Variants in WDR48 observed in about 807,000 individuals in gnomAD.
The protein encoded by WDR48 is WD repeat domain 48.
A neutral mutation model predicts 94.0 loss-of-function variants in WDR48; 22 were observed. The observed-to-expected ratio is 0.23, with a 90% CI of 0.17 to 0.33. WDR48 has a LOEUF of 0.33. Ranked by LOEUF, WDR48 falls within the 10% of genes least tolerant of loss-of-function variation. WDR48 has a pLI of 1.00. For synonymous variants in WDR48, 278 were observed against 280.5 expected, an observed-to-expected ratio of 0.99 and a Z score of 0.09; for missense variants, 541 against 813.8, an observed-to-expected ratio of 0.66 and a Z score of 4.08.
At chr3:39,093,401 G>A (rs920837717) in intron 17 of WDR48, among the ~76,000 whole-genome samples, 1 of 152,360 alleles carries the variant, frequency 6.6e-6, no homozygotes, top group East Asian at 1.9e-4. Flanking sequence ...GTCTCACTCT[G>A]TCGCCCAGGC....
intron 17 of WDR48, among the ~76,000 whole-genome samples, chr3:39,093,564 G>A (rs2125688379): frequency 6.6e-6 from 1 of 152,284 alleles, no homozygotes. Context: ...TTGAACTCCT[G>A]ATCTGAAGTG....
intron 2 of WDR48, among the ~76,000 whole-genome samples, chr3:39,065,416 G>A (rs760620590): frequency 6.6e-6 from 1 of 152,078 alleles, no homozygotes; most frequent in Non-Finnish European, 1.5e-5. Context: ...GTCTGCTGTT[G>A]AGCCTTCACC....
chr3:39,087,730 A>C (rs1575433144), intron 14 of WDR48: 1 of 159,064 alleles, frequency 6.3e-6, no homozygotes, highest in East Asian at 1.8e-4. Flanking sequence ...GGCTGCCATT[A>C]AATGTAATTT....
At chr3:39,093,723 C>T (rs531635205) in intron 17 of WDR48, 151 bp from the exon 18 acceptor site, 18 of 832,424 alleles carry the variant, frequency 2.2e-5, no homozygotes, top group East Asian at 3.0e-5. Flanking sequence ...AAAATCTTTC[C>T]GCAGCTCTAA....
intron 17 of WDR48, 111 bp from the exon 18 acceptor site, chr3:39,093,763 T>G (rs2035206619): frequency 1.6e-6 from 2 of 1,225,862 alleles, no homozygotes; most frequent in African/African-American, 1.5e-5. Flanking sequence ...CTAAAAACAT[T>G]TATTGGTTTA....
In WDR48 at chr3:39,093,871, C is replaced by T. The variant is rs544912884; in HGVS notation, c.1746-3C>T. ...GTCACAATATGCCATTGCTTTTTTACAGAGATAGACTCTCTGCTAGTGACA... is the reference window on the plus strand; with the variant it reads ...GTCACAATATGCCATTGCTTTTTTATAGAGATAGACTCTCTGCTAGTGACA... On this transcript the variant is annotated splice_polypyrimidine_tract_variant and splice_region_variant and intron_variant, in intron 17 of 18. Transcript: ENST00000302313. 6.5e-6 allele frequency: 10 copies of T among 1,538,210 alleles called. No individual in the cohort carries two copies. The highest frequency in any genetic ancestry group is 5.2e-6 in the Non-Finnish European group (6 of 1,144,626).
intron 7 of WDR48, among the ~76,000 whole-genome samples, chr3:39,070,894 T>C (rs971626007): frequency 6.6e-6 from 1 of 152,000 alleles, no homozygotes; most frequent in Non-Finnish European, 1.5e-5. Context: ...CATGTGTTCT[T>C]ATTGTTCAGT....
At chr3:39,075,847 C>G (rs776097675) in intron 8 of WDR48, among the ~76,000 whole-genome samples, 2 of 152,026 alleles carry the variant, frequency 1.3e-5, no homozygotes, top group Non-Finnish European at 2.9e-5. Context: ...GCACCCACCA[C>G]CATGCCCAGC....
intron 1 of WDR48, among the ~76,000 whole-genome samples, chr3:39,056,235 C>T (rs572317008): frequency 6.6e-6 from 1 of 152,114 alleles, no homozygotes; most frequent in African/African-American, 2.4e-5. Context: ...TTTGAAAAAA[C>T]CTCCAGTTAT....
At position 39,060,343 on chromosome 3, in the gene WDR48, A is replaced by G. The variant is rs374250402; in HGVS notation, c.49-2707A>G. On this transcript the variant is annotated intron_variant, in intron 1 of 18. Transcript: ENST00000302313. ...TAAAATATGTGGCCTTTTGTAAAATATGTGGCTTCTTTCACTTAGCACATT... is the reference window on the plus strand; with the variant it reads ...TAAAATATGTGGCCTTTTGTAAAATGTGTGGCTTCTTTCACTTAGCACATT... Among the ~76,000 whole-genome samples the G allele has an allele frequency of 8.5e-5, 13 of 152,138 alleles. 1 individual carries two copies. In the East Asian group the frequency reaches 2.5e-3, roughly 29 times the overall value.
intron 3 of WDR48, 75 bp downstream of exon 3, chr3:39,065,964 A>G: frequency 1.0e-5 from 11 of 1,099,614 alleles, no homozygotes; most frequent in Middle Eastern, 2.4e-4. Context: ...TTATTGAAAC[A>G]TACATACAGA....
Position 39,078,164 on chromosome 3 carries a change from G to T in WDR48, c.1000G>T (p.Ala334Ser). 6.2e-7 allele frequency: 1 copy of T among 1,612,348 alleles called. No individual in the cohort carries two copies. The highest frequency in any genetic ancestry group is 8.5e-7 in the Non-Finnish European group (1 of 1,179,242). ...WTLKGIHNFR[A>S]SGDYDNDCTN... ...TTTGAAAGGAATTCATAATTTTAGAGCCTCTGGAGATTATGACAATGACTG... is the reference window on the plus strand; with the variant it reads ...TTTGAAAGGAATTCATAATTTTAGATCCTCTGGAGATTATGACAATGACTG... The change falls in exon 10 of 19, where the codon GCC becomes TCC. Residue 334 changes from alanine to serine, a missense_variant. Physicochemically the swap from Ala to Ser is moderately conservative, Grantham distance 99. This residue lies in a region of WDR48 where 238 missense variants were observed against 285.3 expected (regional missense o/e 0.83). Transcript: ENST00000302313.
chr3:39,054,261 G>GT (rs149066982), intron 1 of WDR48, among the ~76,000 whole-genome samples: 4,379 of 152,268 alleles, frequency 0.029, 211 homozygotes, highest in African/African-American at 0.1. Flanking sequence ...CTAGACCAGA[G>GT]TTTATCAACC....
rs181631199 is a variant in WDR48, at chr3:39,053,706, C to G, written c.48+1633C>G. ...GTTCCCTGCTTGCTTCCTTCCCAGG[C>G]CTGCCCACTCCCAAAATGCATGCAA... On this transcript the variant is annotated intron_variant, in intron 1 of 18. Coordinates refer to ENST00000302313, the MANE Select transcript of WDR48 (RefSeq NM_020839.4). Among the ~76,000 whole-genome samples, 24 of 152,222 alleles carry G rather than the reference C, an allele frequency of 1.6e-4. No homozygotes were observed. The East Asian group carries it at 4.4e-3, about 28-fold the overall frequency.
At position 39,063,250 on chromosome 3, in the gene WDR48, A is replaced by G. The variant is rs990521761; in HGVS notation, c.189+60A>G. The stretch of plus-strand genomic sequence containing the variant: ...TCTGGACAAATGGCTTTTACTGTCT[A>G]ATATGACACTTTTCACAGTTTCAGA... On this transcript the variant is annotated intron_variant, in intron 2 of 18. Coordinates refer to ENST00000302313, the MANE Select transcript of WDR48 (RefSeq NM_020839.4). The G allele has an allele frequency of 1.5e-5, 24 of 1,579,442 alleles. No individual in the cohort carries two copies. The South Asian group carries it at 1.6e-4, about 11-fold the overall frequency.
At chr3:39,052,817 T>A (rs1316581966) in intron 1 of WDR48, among the ~76,000 whole-genome samples, 1 of 152,142 alleles carries the variant, frequency 6.6e-6, no homozygotes, top group Non-Finnish European at 1.5e-5. Context: ...TTGTTTGCGG[T>A]TACGCTTAAG....
rs749540634 is a variant in WDR48 at position 39,084,609 on chromosome 3, T to C, written c.1282-36T>C. 7 of 1,572,518 alleles carry C rather than the reference T, an allele frequency of 4.5e-6. No homozygotes were observed. In the Admixed American group the frequency reaches 1.0e-4, roughly 23 times the overall value. ...TTAGAGACTTGTTTGGAGAATATATTCAAATGGGATGCCACTAAGTTTTTT... is the reference window on the plus strand; with the variant it reads ...TTAGAGACTTGTTTGGAGAATATATCCAAATGGGATGCCACTAAGTTTTTT... On this transcript the variant is annotated intron_variant, in intron 12 of 18. Transcript: ENST00000302313.
intron 1 of WDR48, chr3:39,052,661 T>C (rs2032531179): frequency 6.5e-6 from 1 of 152,784 alleles, no homozygotes; most frequent in African/African-American, 2.4e-5. Context: ...TGTTTTGGTA[T>C]TTAAGTTCCT....
At chr3:39,064,365 C>T (rs977271423) in intron 2 of WDR48, among the ~76,000 whole-genome samples, 6 of 151,428 alleles carry the variant, frequency 4.0e-5, no homozygotes, top group Non-Finnish European at 5.9e-5. Flanking sequence ...CCTCTTGACT[C>T]CTGGCTTCAA....
Sources: gnomAD v4.1 joint callset for allele counts (sites outside exome capture counted in the v4.1 genomes callset) on GRCh38, gnomAD v4.1.1 for gene constraint, gnomAD v4.1.1 regional missense constraint, MANE v1.5 for transcripts, NCBI Gene and HGNC (gene_info 2026-07-23, HGNC 2026-07-21) for gene names.